Variants in IGSF10 observed in about 807,000 individuals in gnomAD.
The protein encoded by IGSF10 is calvaria mechanical force protein 608.
In IGSF10, 126 loss-of-function variants were observed where a neutral mutation model predicts 128.2. The observed-to-expected ratio is 0.98, with a 90% CI of 0.85 to 1.14. IGSF10 has a LOEUF of 1.14. Ranked by LOEUF, IGSF10 falls within the 50% of genes most tolerant of loss-of-function variation. The pLI is 0.00. For synonymous variants in IGSF10, 1,185 were observed against 1,146.2 expected (o/e 1.03, Z -0.68); for missense variants, 3,295 against 3,149.8 (o/e 1.05, Z -1.10).
At chr3:151,603,547 C>A in the IGSF10 span, among the ~76,000 whole-genome samples, 1 of 152,252 alleles carries the variant, frequency 6.6e-6, no homozygotes. Flanking sequence ...AATTTTAATA[C>A]CTTCTTTGTA....
At chr3:151,574,246 G>T in the IGSF10 span, among the ~76,000 whole-genome samples, 1 of 152,228 alleles carries the variant, frequency 6.6e-6, no homozygotes, top group South Asian at 2.1e-4. Context: ...TGTATTTCCT[G>T]AATTTCAATG....
chr3:151,487,329 G>C, the IGSF10 span, among the ~76,000 whole-genome samples: 1 of 152,114 alleles, frequency 6.6e-6, no homozygotes, highest in Non-Finnish European at 1.5e-5. Flanking sequence ...TGAAATTGAG[G>C]CAGCAATTAA....
chr3:151,576,734 C>G, the IGSF10 span, among the ~76,000 whole-genome samples: 1 of 152,040 alleles, frequency 6.6e-6, no homozygotes, highest in African/African-American at 2.4e-5. Context: ...ACCAGTACCA[C>G]GAGAGTTTAC....
At chr3:151,565,726 G>C in the IGSF10 span, 1 of 152,132 alleles carries the variant, frequency 6.6e-6, no homozygotes, top group East Asian at 2.0e-4. Context: ...AGCTAATTCT[G>C]TTGCTTCTGG....
At chr3:151,571,607 AAGG>A in the IGSF10 span, among the ~76,000 whole-genome samples, 542 of 152,292 alleles carry the variant, frequency 3.6e-3, 1 homozygote, top group African/African-American at 0.012. Context: ...TTATCAGCTT[AAGG>A]AGATTTTGGG....
At chr3:151,579,418 A>G in the IGSF10 span, among the ~76,000 whole-genome samples, 2 of 152,192 alleles carry the variant, frequency 1.3e-5, no homozygotes, top group African/African-American at 4.8e-5. Context: ...AAAAACAAAC[A>G]AACTATAAAA....
Position 151,458,720 on chromosome 3 carries a change from C to T in IGSF10, c.-1-10G>A, listed in dbSNP as rs201890944. On this transcript the variant is annotated splice_polypyrimidine_tract_variant and intron_variant, in intron 2 of 7. Coordinates refer to ENST00000282466, the MANE Select transcript of IGSF10 (RefSeq NM_178822.5). ...GCCTTTTACCTTCATCCTGAAAAAA[C>T]ATCATACCTCAGAGTTATAAAGAGT... is the stretch of plus-strand genomic sequence containing the variant. 3.5e-5 allele frequency: 56 copies of T among 1,608,924 alleles called. No homozygotes were observed. The East Asian group carries it at 9.8e-4, about 28-fold the overall frequency.
intron 7 of IGSF10, among the ~76,000 whole-genome samples, chr3:151,439,474 C>G (rs1314484102): frequency 6.6e-6 from 1 of 152,128 alleles, no homozygotes; most frequent in African/African-American, 2.4e-5. Context: ...ATTAGCTGAG[C>G]ATGATGGCAC....
At chr3:151,510,734 G>A in the IGSF10 span, among the ~76,000 whole-genome samples, 1 of 152,076 alleles carries the variant, frequency 6.6e-6, no homozygotes, top group African/African-American at 2.4e-5. Flanking sequence ...TAGATGAATG[G>A]CTAACTAGAA....
At chr3:151,503,675 G>T in the IGSF10 span, among the ~76,000 whole-genome samples, 6 of 152,284 alleles carry the variant, frequency 3.9e-5, no homozygotes, top group East Asian at 1.2e-3. Flanking sequence ...TTAAGACAGA[G>T]GAATTGCAGC....
intron 5 of IGSF10, among the ~76,000 whole-genome samples, chr3:151,450,966 C>A (rs973635991): frequency 2.0e-5 from 3 of 150,818 alleles, no homozygotes; most frequent in African/African-American, 7.3e-5. Context: ...ATTCCTTTAC[C>A]TACTTATCAG....
At chr3:151,485,834 C>A in the IGSF10 span, among the ~76,000 whole-genome samples, 1 of 152,302 alleles carries the variant, frequency 6.6e-6, no homozygotes, top group African/African-American at 2.4e-5. Flanking sequence ...CCGGTACCAG[C>A]CACTGCAAAG....
At chr3:151,566,536 C>T in the IGSF10 span, among the ~76,000 whole-genome samples, 4 of 152,126 alleles carry the variant, frequency 2.6e-5, no homozygotes, top group Admixed American at 2.0e-4. Flanking sequence ...AGAATAGTCG[C>T]TATCAGGAGG....
chr3:151,501,576 T>A, the IGSF10 span, among the ~76,000 whole-genome samples: 120,841 of 151,922 alleles, frequency 0.8, 48,199 homozygotes, highest in Middle Eastern at 0.9. Flanking sequence ...AACCTAAGAA[T>A]GTCAGGACAG....
the IGSF10 span, among the ~76,000 whole-genome samples, chr3:151,543,383 C>T: frequency 1.3e-5 from 2 of 152,126 alleles, no homozygotes; most frequent in Admixed American, 6.5e-5. Context: ...ATGTCTGCTC[C>T]AGCTCTGTGG....
At chr3:151,617,315 T>TCTC in the IGSF10 span, among the ~76,000 whole-genome samples, 3 of 108,326 alleles carry the variant, frequency 2.8e-5, no homozygotes, top group Non-Finnish European at 5.6e-5. Flanking sequence ...TTCTTCTTCT[T>TCTC]CTTCCCCTCC....
At chr3:151,485,818 G>A in the IGSF10 span, among the ~76,000 whole-genome samples, 1 of 152,214 alleles carries the variant, frequency 6.6e-6, no homozygotes, top group African/African-American at 2.4e-5. Flanking sequence ...ACATAGAAAG[G>A]ATCAACCGGT....
At chr3:151,534,736 C>T in the IGSF10 span, among the ~76,000 whole-genome samples, 3 of 151,546 alleles carry the variant, frequency 2.0e-5, no homozygotes, top group East Asian at 1.9e-4. Flanking sequence ...CAAGCCACCA[C>T]GGCATGTGTG....
the IGSF10 span, among the ~76,000 whole-genome samples, chr3:151,483,489 A>G: frequency 1.3e-5 from 2 of 152,192 alleles, no homozygotes; most frequent in Non-Finnish European, 2.9e-5. Context: ...TCAAATCACA[A>G]ATGTAGAAAA....
Sources: allele counts gnomAD v4.1 joint callset (sites outside exome capture counted in the v4.1 genomes callset), GRCh38; gene constraint gnomAD v4.1.1; transcripts MANE v1.5; gene names NCBI Gene and HGNC (gene_info 2026-07-23, HGNC 2026-07-21).